Variants in INHBA observed in about 807,000 individuals in gnomAD.
INHBA encodes the protein inhibin subunit beta A, also known as inhibin beta A chain.
INHBA carries 1 observed loss-of-function variant against 29.0 expected under a neutral mutation model. That is an observed-to-expected ratio of 0.03 (90% confidence interval 0.01 to 0.16). The LOEUF (loss-of-function observed/expected upper bound fraction) is 0.16, where lower values mean the gene tolerates loss of function less well. INHBA is among the 10% of genes least tolerant of loss of function. INHBA has a pLI of 1.00. For missense variants in INHBA, 376 were observed against 545.4 expected, an observed-to-expected ratio of 0.69 and a Z score of 3.09; for synonymous variants, 242 against 216.8, an observed-to-expected ratio of 1.12 and a Z score of -1.02.
Position 41,690,531 on chromosome 7 carries a change from T to C in INHBA, c.400A>G (p.Lys134Glu), listed in dbSNP as rs765588441. 2 of 1,595,346 alleles carry C rather than the reference T, an allele frequency of 1.3e-6. No homozygotes were observed. Among genetic ancestry groups the C allele is most frequent in the Non-Finnish European group, 1.7e-6 (2 of 1,172,668 alleles). Residue 134 changes from lysine (K) to glutamate (E), a missense_variant, in exon 3 of 3, where the codon AAG becomes GAG. By Grantham distance (56) the Lys-to-Glu change is moderately conservative. Around this residue, in one of 4 missense-constraint regions of INHBA, gnomAD observed 253 missense variants for 313.4 expected, o/e 0.81. Transcript: ENST00000242208. ...TTGGAAATCTCGAAGTGCAGCGTCTTCCTGGCTGTTCCTGAAGATGAAAGA... is the reference window on the plus strand; with the variant it reads ...TTGGAAATCTCGAAGTGCAGCGTCTCCCTGGCTGTTCCTGAAGATGAAAGA... ...ITFAESGTAR[K>E]TLHFEISKEG... is the part of the protein sequence containing the mutation.
At chr7:41,692,250 T>C (rs905528236) in intron 2 of INHBA, 2 of 152,148 alleles carry the variant, frequency 1.3e-5, no homozygotes, top group Non-Finnish European at 2.9e-5. Flanking sequence ...ATGTATCCCA[T>C]GCACAAATCT....
chr7:41,694,135 T>C (rs1794585287), intron 2 of INHBA: 1 of 152,214 alleles, frequency 6.6e-6, no homozygotes, highest in Non-Finnish European at 1.5e-5. Context: ...AAGCAGTGCA[T>C]ATTTCTTTCT....
At chr7:41,692,175 G>A (rs1292318814) in intron 2 of INHBA, 1 of 152,048 alleles carries the variant, frequency 6.6e-6, no homozygotes, top group African/African-American at 2.4e-5. Flanking sequence ...TTTCCCACTT[G>A]GTGGCATATA....
At chr7:41,696,776 G>T (rs908009610) in intron 2 of INHBA, among the ~76,000 whole-genome samples, 1 of 152,160 alleles carries the variant, frequency 6.6e-6, no homozygotes. Flanking sequence ...TGGGGAAAAT[G>T]GTCATCCAAG....
upstream of INHBA, among the ~76,000 whole-genome samples, chr7:41,704,611 AGT>A (rs60031309): frequency 0.18 from 18,425 of 100,156 alleles, 1,723 homozygotes; most frequent in Non-Finnish European, 0.23. Context: ...CACACAAAGT[AGT>A]GTGTGTGTGT....
chr7:41,694,051 A>G (rs1313872481), intron 2 of INHBA: 2 of 152,224 alleles, frequency 1.3e-5, no homozygotes, highest in Non-Finnish European at 2.9e-5. Flanking sequence ...GGGGGAAGAG[A>G]GAGATTCAAG....
chr7:41,685,215 C>T lies in INHBA; in HGVS notation c.*4435G>A, dbSNP rs1401444430. ...TGTACAAAATATTGACTGCATGCCT[C>T]GCAAACACCAAAATATCCGCTGGAA... On this transcript the variant is annotated 3_prime_UTR_variant, in exon 3 of 3. Coordinates refer to ENST00000242208, the MANE Select transcript of INHBA (RefSeq NM_002192.4). 1 of 152,032 alleles carries T rather than the reference C, an allele frequency of 6.6e-6. No individual in the cohort carries two copies. Among genetic ancestry groups the T allele is most frequent in the Non-Finnish European group, 1.5e-5 (1 of 67,958 alleles). The allele number at this position is 152,032 out of a possible 1,614,324, so 9.4% of individuals were successfully genotyped here.
At chr7:41,692,340 G>A (rs1002412968) in intron 2 of INHBA, 21 of 152,148 alleles carry the variant, frequency 1.4e-4, no homozygotes, top group Admixed American at 1.1e-3. Context: ...TATAGTTAAC[G>A]GAAATCCAGC....
intron 1 of INHBA, among the ~76,000 whole-genome samples, chr7:41,701,654 C>G (rs552117544): frequency 6.6e-6 from 1 of 152,148 alleles, no homozygotes; most frequent in South Asian, 2.1e-4. Context: ...CACCACTCGC[C>G]GGACTTCACA....
At chr7:41,696,509 G>A (rs1414628760) in intron 2 of INHBA, among the ~76,000 whole-genome samples, 4 of 152,106 alleles carry the variant, frequency 2.6e-5, no homozygotes, top group Non-Finnish European at 4.4e-5. Flanking sequence ...GGGAGCAGGC[G>A]GTAACTGATA....
intron 2 of INHBA, chr7:41,692,182 T>C (rs558418716): frequency 2.0e-5 from 3 of 152,346 alleles, no homozygotes; most frequent in African/African-American, 7.2e-5. Context: ...CTTGGTGGCA[T>C]ATAGAAACAT....
chr7:41,702,285 A>G (rs1293392939), intron 1 of INHBA, among the ~76,000 whole-genome samples: 1 of 152,226 alleles, frequency 6.6e-6, no homozygotes, highest in Non-Finnish European at 1.5e-5. Context: ...GCACAGGTTA[A>G]CAATGCTTTC....
In INHBA at chr7:41,690,294, C is replaced by T. The variant is rs762543780; in HGVS notation, c.637G>A (p.Ala213Thr). ...ELLLSEKVVD[A>T]RKSTWHVFPV... Reference sequence around the variant, plus strand: ...AAGACATGCCAGGTGCTCTTCCGAGCGTCTACTACTTTTTCAGAGAGCAAC... The same window carrying T: ...AAGACATGCCAGGTGCTCTTCCGAGTGTCTACTACTTTTTCAGAGAGCAAC... The change falls in exon 3 of 3, where the codon GCT (alanine) becomes ACT (threonine). Residue 213 changes from alanine (A) to threonine (T), a missense_variant. Physicochemically the swap from Ala to Thr is moderately conservative, Grantham distance 58 (BLOSUM62 0). Coordinates refer to ENST00000242208, the MANE Select transcript of INHBA (RefSeq NM_002192.4). The T allele has an allele frequency of 2.1e-5, 34 of 1,613,932 alleles. No individual in the cohort carries two copies. The Admixed American group carries it at 4.2e-4, about 20-fold the overall frequency.
In INHBA at chr7:41,690,039, G is replaced by A. The variant is rs373613637; in HGVS notation, c.892C>T (p.Arg298Trp). Residue 298 changes from arginine to tryptophan, a missense_variant, in exon 3 of 3, where the codon CGG becomes TGG. Arg to Trp is a moderately radical substitution (Grantham distance 101, BLOSUM62 -3). This residue lies in a region of INHBA where 253 missense variants were observed against 313.4 expected (regional missense o/e 0.81). Coordinates refer to ENST00000242208, the MANE Select transcript of INHBA (RefSeq NM_002192.4). Reference sequence around the variant, plus strand: ...CGATGAGGGTGGTCTTCAGACTGCCGGGCCTGCAGCATGAGGAAAGGTCTG... The same window carrying A: ...CGATGAGGGTGGTCTTCAGACTGCCAGGCCTGCAGCATGAGGAAAGGTCTG... ...SHRPFLMLQA[R>W]QSEDHPHRRR... 3 of 1,613,830 alleles carry A rather than the reference G, an allele frequency of 1.9e-6. No homozygotes were observed. Among genetic ancestry groups the A allele is most frequent in the African/African-American group, 1.3e-5 (1 of 74,908 alleles).
At position 41,689,872 on chromosome 7, in the gene INHBA, C is replaced by G; in HGVS notation, c.1059G>C (p.Glu353Asp). The G allele has an allele frequency of 6.2e-7, 1 of 1,614,012 alleles. No homozygotes were observed. Among genetic ancestry groups the G allele is most frequent in the Non-Finnish European group, 8.5e-7 (1 of 1,180,002 alleles). Reference protein sequence around the residue: ...SGYHANYCEGECPSHIAGTSG... With the variant: ...SGYHANYCEGDCPSHIAGTSG... ...ACGTGCCTGCTATATGGCTCGGGCA[C>G]TCACCCTCGCAGTAGTTGGCATGAT... The change falls in exon 3 of 3, where the codon GAG becomes GAC. Residue 353 changes from glutamate to aspartate, a missense_variant. Physicochemically the swap from Glu to Asp is conservative, Grantham distance 45. This residue lies in a region of INHBA where 50 missense variants were observed against 137.9 expected (regional missense o/e 0.36). Transcript: ENST00000242208.
At chr7:41,695,655 C>A (rs1054760467) in intron 2 of INHBA, among the ~76,000 whole-genome samples, 2 of 152,156 alleles carry the variant, frequency 1.3e-5, no homozygotes, top group South Asian at 2.1e-4. Flanking sequence ...ATCATCCATG[C>A]CTCTTCCATT....
chr7:41,687,572 C>G lies in INHBA; in HGVS notation c.*2078G>C, dbSNP rs574024333. The G allele has an allele frequency of 6.6e-6, 1 of 151,850 alleles. No homozygotes were observed. Among genetic ancestry groups the G allele is most frequent in the Non-Finnish European group, 1.5e-5 (1 of 67,968 alleles). 9.4% of individuals were successfully genotyped at this position (151,850 alleles called of 1,614,324 possible). ...CAAAGGTGTTTTTTTTTCATTTCTG[C>G]ATCTGAATCAATACAAATTTACACA... On this transcript the variant is annotated 3_prime_UTR_variant, in exon 3 of 3. Coordinates refer to ENST00000242208, the MANE Select transcript of INHBA (RefSeq NM_002192.4).
At chr7:41,699,966 C>T in intron 2 of INHBA, 21 bp downstream of exon 2, 1 of 646,032 alleles carries the variant, frequency 1.5e-6, no homozygotes, top group East Asian at 8.4e-5. Flanking sequence ...CTCCCCACCC[C>T]CTGCCAATGC....
rs1221303934 is a variant in INHBA, at chr7:41,686,270, T to C, written c.*3380A>G. 2 of 152,138 alleles carry C rather than the reference T, an allele frequency of 1.3e-5. No individual in the cohort carries two copies. Among genetic ancestry groups the C allele is most frequent in the Admixed American group, 6.5e-5 (1 of 15,270 alleles). 9.4% of individuals were successfully genotyped at this position (152,138 alleles called of 1,614,324 possible). A position where few individuals can be genotyped will look rare whatever the true frequency, so the allele number is the denominator to read the frequency against. ...ATGTCAATTTGGTCCATAAAATACA[T>C]GTTACTATTAAAAGATATTTAAAGA... On this transcript the variant is annotated 3_prime_UTR_variant, in exon 3 of 3. Transcript: ENST00000242208.
Sources: allele counts gnomAD v4.1 joint callset (sites outside exome capture counted in the v4.1 genomes callset), GRCh38; gene constraint gnomAD v4.1.1; regional missense constraint gnomAD v4.1.1; transcripts MANE v1.5; gene names NCBI Gene and HGNC (gene_info 2026-07-23, HGNC 2026-07-21).